Variants in TDRD5 observed in about 807,000 individuals in gnomAD.
The protein encoded by TDRD5 is tudor domain-containing protein 5.
A neutral mutation model predicts 120.6 loss-of-function variants in TDRD5; 41 were observed. The observed-to-expected ratio is 0.34, with a 90% confidence interval of 0.26 to 0.44. TDRD5 has a LOEUF of 0.44. Among genes scored for constraint, TDRD5 ranks in the 20% least tolerant of loss-of-function variants. The probability of loss-of-function intolerance (pLI) is 1.00; values close to 1 mark genes in which losing one functional copy is unlikely to be tolerated. For missense variants in TDRD5, 1,006 were observed against 1,221.2 expected (o/e 0.82, Z 2.63); for synonymous variants, 430 against 433.7 (o/e 0.99, Z 0.11).
At chr1:179,659,793 G>A (rs1679201767) in intron 14 of TDRD5, among the ~76,000 whole-genome samples, 1 of 151,994 alleles carries the variant, frequency 6.6e-6, no homozygotes, top group African/African-American at 2.4e-5. Flanking sequence ...CACCTCTTGG[G>A]TTCAAGCAAT....
At chr1:179,690,082 C>T (rs1052073559) in intron 17 of TDRD5, among the ~76,000 whole-genome samples, 1 of 152,202 alleles carries the variant, frequency 6.6e-6, no homozygotes, top group Admixed American at 6.5e-5. Flanking sequence ...GTCCAACAAG[C>T]CCCAGTGAGA....
intron 9 of TDRD5, 98 bp from the exon 10 acceptor site, chr1:179,639,741 T>C (rs1055692317): frequency 4.9e-5 from 64 of 1,302,686 alleles, no homozygotes; most frequent in Non-Finnish European, 9.5e-6. Flanking sequence ...TTTCTTTTCT[T>C]TGCTTTTTGC....
At chr1:179,621,844 A>G (rs1423821368) in intron 6 of TDRD5, among the ~76,000 whole-genome samples, 1 of 152,208 alleles carries the variant, frequency 6.6e-6, no homozygotes, top group Non-Finnish European at 1.5e-5. Context: ...TTCACAACAA[A>G]TAGAGGCACA....
intron 17 of TDRD5, among the ~76,000 whole-genome samples, chr1:179,675,979 C>T (rs1348813691): frequency 6.6e-6 from 1 of 152,034 alleles, no homozygotes; most frequent in African/African-American, 2.4e-5. Context: ...GTGTTGCCGT[C>T]GATATCTCAT....
intron 4 of TDRD5, among the ~76,000 whole-genome samples, chr1:179,601,256 T>A (rs535093078): frequency 6.6e-6 from 1 of 152,182 alleles, no homozygotes; most frequent in South Asian, 2.1e-4. Context: ...GTTTTTTGGG[T>A]TTTTGTTTGT....
chr1:179,676,553 G>A (rs904112948), intron 17 of TDRD5, among the ~76,000 whole-genome samples: 6 of 152,132 alleles, frequency 3.9e-5, no homozygotes, highest in South Asian at 2.1e-4. Context: ...TGGTAGTGGC[G>A]AAGTCTCTCA....
chr1:179,689,041 C>A (rs1680940576), intron 17 of TDRD5, among the ~76,000 whole-genome samples: 1 of 151,904 alleles, frequency 6.6e-6, no homozygotes, highest in Admixed American at 6.5e-5. Context: ...CTGAAGCCAT[C>A]TTCTCTCAAC....
intron 13 of TDRD5, among the ~76,000 whole-genome samples, chr1:179,653,417 A>C (rs1156988781): frequency 6.6e-6 from 1 of 152,106 alleles, no homozygotes; most frequent in Non-Finnish European, 1.5e-5. Context: ...ATATGTACCG[A>C]TGTTTCCTAC....
chr1:179,665,570 A>G (rs1304704996), intron 16 of TDRD5, among the ~76,000 whole-genome samples: 1 of 152,078 alleles, frequency 6.6e-6, no homozygotes. Flanking sequence ...TTATTTCTGG[A>G]TTCTTAATCC....
At chr1:179,652,014 A>G (rs1481199146) in intron 12 of TDRD5, 25 bp from the exon 13 acceptor site, 12 of 1,606,756 alleles carry the variant, frequency 7.5e-6, no homozygotes, top group Non-Finnish European at 7.6e-6. Context: ...AAATTAAACC[A>G]TCCCTTTTCT....
Position 179,634,533 on chromosome 1 carries a change from C to T in TDRD5, c.1203C>T (p.Val401=), listed in dbSNP as rs753959562. The T allele has an allele frequency of 6.2e-7, 1 of 1,613,644 alleles. No individual in the cohort carries two copies. ...PPRNSLSTAA[V]KETVWNCPSK... The stretch of plus-strand genomic sequence containing the variant: ...GAAATTCATTGTCTACTGCTGCTGT[C>T]AAAGAGACTGTATGGAATTGCCCTT... Residue 401 remains valine, a synonymous_variant, in exon 8 of 18, where the codon GTC becomes GTT. Coordinates refer to ENST00000444136, the MANE Select transcript of TDRD5 (RefSeq NM_001199085.3).
intron 7 of TDRD5, among the ~76,000 whole-genome samples, chr1:179,633,996 C>T (rs144150001): frequency 0.021 from 3,158 of 151,744 alleles, 96 homozygotes; most frequent in African/African-American, 0.07. Context: ...ACAGTGAAAC[C>T]CTGTCTCTAC....
chr1:179,670,430 G>A (rs10913853), intron 17 of TDRD5, among the ~76,000 whole-genome samples: 10 of 152,122 alleles, frequency 6.6e-5, no homozygotes, highest in African/African-American at 2.2e-4. Flanking sequence ...ACACACATAG[G>A]AGTCGATTTG....
chr1:179,604,694 T>C (rs559953717), intron 4 of TDRD5, among the ~76,000 whole-genome samples: 1 of 152,290 alleles, frequency 6.6e-6, no homozygotes, highest in African/African-American at 2.4e-5. Flanking sequence ...TTAAGGTTCC[T>C]TTTGGAGTTG....
chr1:179,645,518 C>T (rs183446170), intron 11 of TDRD5, among the ~76,000 whole-genome samples: 1 of 152,302 alleles, frequency 6.6e-6, no homozygotes, highest in Admixed American at 6.5e-5. Flanking sequence ...AGTATAGTGT[C>T]ACTTTTTGTA....
chr1:179,592,348 A>C, intron 1 of TDRD5: 1 of 409,702 alleles, frequency 2.4e-6, no homozygotes, highest in Non-Finnish European at 4.5e-6. Context: ...CCAACACCCG[A>C]CAGGAACCCC....
intron 4 of TDRD5, among the ~76,000 whole-genome samples, chr1:179,606,559 T>C (rs989962414): frequency 6.6e-6 from 1 of 152,158 alleles, no homozygotes; most frequent in African/African-American, 2.4e-5. Context: ...AAGAGTTTTA[T>C]AGTTTTGAAT....
At chr1:179,652,508 C>A (rs1260459230) in intron 13 of TDRD5, among the ~76,000 whole-genome samples, 1 of 152,064 alleles carries the variant, frequency 6.6e-6, no homozygotes. Context: ...TTCTTACTTT[C>A]CCTGTAAACT....
At chr1:179,641,010 A>G (rs1244233526) in intron 11 of TDRD5, among the ~76,000 whole-genome samples, 1 of 152,178 alleles carries the variant, frequency 6.6e-6, no homozygotes, top group African/African-American at 2.4e-5. Flanking sequence ...TTCTCTAGCA[A>G]CATTGTGGCA....
Sources: gnomAD v4.1 joint callset for allele counts (sites outside exome capture counted in the v4.1 genomes callset) on GRCh38, gnomAD v4.1.1 for gene constraint, MANE v1.5 for transcripts, NCBI Gene and HGNC (gene_info 2026-07-23, HGNC 2026-07-21) for gene names.